Variants in CRLF3 observed in about 807,000 individuals in gnomAD.
CRLF3 encodes the protein cytokine receptor like factor 3, also known as cytokine receptor-like factor 3.
A neutral mutation model predicts 55.0 loss-of-function variants in CRLF3; 33 were observed. That is an observed-to-expected ratio of 0.60 (90% CI 0.46 to 0.80). CRLF3 has a LOEUF of 0.80. Ranked by LOEUF, CRLF3 falls within the 30% of genes least tolerant of loss-of-function variation. CRLF3 has a pLI of 0.00. For missense variants in CRLF3, 494 were observed against 538.4 expected (o/e 0.92, Z 0.82); for synonymous variants, 238 against 196.8 (o/e 1.21, Z -1.75).
intron 5 of CRLF3, chr17:30,792,868 A>AT (rs2142250981): frequency 2.7e-5 from 1 of 36,658 alleles, no homozygotes; most frequent in African/African-American, 5.9e-4. Flanking sequence ...TAAAAATCTA[A>AT]TTAATAGGCC....
At chr17:30,805,052 G>A (rs1904354109) in intron 1 of CRLF3, among the ~76,000 whole-genome samples, 1 of 152,080 alleles carries the variant, frequency 6.6e-6, no homozygotes, top group Non-Finnish European at 1.5e-5. Context: ...ACGTGGTAGT[G>A]CGGGCCTGTA....
At chr17:30,806,543 C>T (rs759906692) in intron 1 of CRLF3, among the ~76,000 whole-genome samples, 10 of 152,104 alleles carry the variant, frequency 6.6e-5, no homozygotes, top group Non-Finnish European at 1.5e-4. Flanking sequence ...GAAACATTGC[C>T]CTAAATCTAC....
intron 1 of CRLF3, among the ~76,000 whole-genome samples, chr17:30,820,590 G>C (rs1904960701): frequency 6.6e-6 from 1 of 152,134 alleles, no homozygotes; most frequent in East Asian, 1.9e-4. Flanking sequence ...TGAGGACTTC[G>C]AGGCCAGCCT....
intron 2 of CRLF3, among the ~76,000 whole-genome samples, chr17:30,798,536 C>T (rs905153086): frequency 6.6e-6 from 1 of 152,050 alleles, no homozygotes; most frequent in Non-Finnish European, 1.5e-5. Flanking sequence ...TTCTCCTTCA[C>T]CAAAAGAAAA....
At position 30,824,641 on chromosome 17, in the gene CRLF3, G is replaced by A. The variant is rs1339107947; in HGVS notation, c.11C>T (p.Ala4Val). The change falls in exon 1 of 8, where the codon GCG becomes GTG. Residue 4 changes from alanine to valine, a missense_variant. Physicochemically the swap from Ala to Val is moderately conservative, Grantham distance 64 (BLOSUM62 0). Coordinates refer to ENST00000324238, the MANE Select transcript of CRLF3 (RefSeq NM_015986.4). ...CAGCAGCTCAGGCTCCAGCTCCATCGCCCCCCTCATCTGGCCGCGCGGCCG... is the reference window on the plus strand; with the variant it reads ...CAGCAGCTCAGGCTCCAGCTCCATCACCCCCCTCATCTGGCCGCGCGGCCG... MRG[A>V]MELEPELLLQ... is the part of the protein sequence containing the mutation. 6.3e-7 allele frequency: 1 copy of A among 1,596,572 alleles called. No homozygotes were observed.
rs368649092 is a variant in CRLF3 at position 30,793,467 on chromosome 17, G to C, written c.809C>G (p.Ser270Cys). The C allele has an allele frequency of 4.1e-4, 669 of 1,613,806 alleles. No individual in the cohort carries two copies. Among genetic ancestry groups the C allele is most frequent in the Non-Finnish European group, 5.5e-4 (648 of 1,179,902 alleles). ...SPWSVPQIGH[S>C]TLVPHEWTAG... ...CAGCATACCATGAGGCACCAATGTG[G>C]AATGACCTATCTGGGGGACACTCCA... Residue 270 changes from serine (S) to cysteine (C), a missense_variant, in exon 5 of 8, where the codon TCC becomes TGC. By Grantham distance (112) the Ser-to-Cys change is moderately radical (BLOSUM62 -1). Coordinates refer to ENST00000324238, the MANE Select transcript of CRLF3 (RefSeq NM_015986.4).
In CRLF3 at chr17:30,784,031, T is replaced by C; in HGVS notation, c.*156A>G. ...TGATTTTGTCCACAACATTGAAGTC[T>C]CTTTTTGCTAAAATATTACAAAATG... On this transcript the variant is annotated 3_prime_UTR_variant, in exon 8 of 8. Coordinates refer to ENST00000324238, the MANE Select transcript of CRLF3 (RefSeq NM_015986.4). 2 of 647,990 alleles carry C rather than the reference T, an allele frequency of 3.1e-6. No homozygotes were observed. The highest frequency in any genetic ancestry group is 4.4e-5 in the South Asian group (2 of 45,776). The allele number at this position is 647,990 out of a possible 1,614,324, so 40.1% of individuals were successfully genotyped here.
At chr17:30,820,349 G>A (rs1904954005) in intron 1 of CRLF3, among the ~76,000 whole-genome samples, 1 of 152,108 alleles carries the variant, frequency 6.6e-6, no homozygotes, top group South Asian at 2.1e-4. Flanking sequence ...TTCTCAATAC[G>A]AGACAAATTT....
intron 1 of CRLF3, among the ~76,000 whole-genome samples, chr17:30,805,060 G>A (rs1461103670): frequency 6.6e-6 from 1 of 152,098 alleles, no homozygotes; most frequent in African/African-American, 2.4e-5. Flanking sequence ...GTGCGGGCCT[G>A]TAATCCCAGC....
chr17:30,791,752 G>C (rs879617284), intron 6 of CRLF3, among the ~76,000 whole-genome samples: 2 of 151,266 alleles, frequency 1.3e-5, no homozygotes, highest in Admixed American at 6.6e-5. Context: ...TCCTGACCTC[G>C]TGATCCGCCC....
chr17:30,784,373 C>G lies in CRLF3; in HGVS notation c.1143G>C (p.Thr381=), dbSNP rs748397239. ...LPAVTSGSTV[T]FDIEAVTLGT... is the part of the protein sequence containing the mutation. ...CTAGAGTCACGGCTTCAATGTCAAA[C>G]GTGACAGTGGACCCAGAAGTAACTG... is the stretch of plus-strand genomic sequence containing the variant. Residue 381 remains threonine (T), a synonymous_variant, in exon 8 of 8, where the codon ACG becomes ACC. Transcript: ENST00000324238. 6.2e-7 allele frequency: 1 copy of G among 1,613,812 alleles called. No homozygotes were observed. Among genetic ancestry groups the G allele is most frequent in the Admixed American group, 1.7e-5 (1 of 60,008 alleles).
chr17:30,814,894 G>A (rs888164003), intron 1 of CRLF3, among the ~76,000 whole-genome samples: 3 of 150,970 alleles, frequency 2.0e-5, no homozygotes, highest in Non-Finnish European at 4.4e-5. Context: ...CCAGCTACTC[G>A]GAAGGCTGAA....
Position 30,800,842 on chromosome 17 carries a change from T to C in CRLF3, c.337+3059A>G, listed in dbSNP as rs560600919. Among the ~76,000 whole-genome samples the C allele has an allele frequency of 1.3e-4, 20 of 150,794 alleles. No homozygotes were observed. The East Asian group carries it at 3.9e-3, about 30-fold the overall frequency. On this transcript the variant is annotated intron_variant, in intron 2 of 7. Coordinates refer to ENST00000324238, the MANE Select transcript of CRLF3 (RefSeq NM_015986.4). ...CAGGCTGGAGTGCCATAGCACGATCTAGGCTCACTGCAAGCTCCGCCTCCT... is the reference window on the plus strand; with the variant it reads ...CAGGCTGGAGTGCCATAGCACGATCCAGGCTCACTGCAAGCTCCGCCTCCT...
intron 1 of CRLF3, among the ~76,000 whole-genome samples, chr17:30,815,796 G>A (rs77338984): frequency 0.13 from 20,212 of 149,876 alleles, 1,453 homozygotes; most frequent in South Asian, 0.24. Flanking sequence ...CGCCCGCCTT[G>A]GCCTCCCTAA....
intron 1 of CRLF3, among the ~76,000 whole-genome samples, chr17:30,806,624 G>A (rs776341858): frequency 1.3e-5 from 2 of 152,084 alleles, no homozygotes; most frequent in African/African-American, 4.8e-5. Flanking sequence ...ATATTATGAA[G>A]ATAAATAGGT....
At chr17:30,797,775 G>GTT (rs747340532) in intron 2 of CRLF3, among the ~76,000 whole-genome samples, 15,558 of 127,952 alleles carry the variant, frequency 0.12, 1,232 homozygotes, top group Non-Finnish European at 0.18. Flanking sequence ...GGGATAGGGT[G>GTT]TTTTTTTTTT....
rs114482548 is a variant in CRLF3 at position 30,808,120 on chromosome 17, T to C, written c.130-4012A>G. Reference sequence around the variant, plus strand: ...TGAAAACGCAGTTAATCATGTGTGTTTCAAAGAACTTTCTAAAAGAACCAA... The same window carrying C: ...TGAAAACGCAGTTAATCATGTGTGTCTCAAAGAACTTTCTAAAAGAACCAA... On this transcript the variant is annotated intron_variant, in intron 1 of 7. Transcript: ENST00000324238. Among the ~76,000 whole-genome samples the C allele has an allele frequency of 3.6e-3, 543 of 152,172 alleles. 6 individuals are homozygous for C. The highest frequency in any genetic ancestry group is 0.011 in the African/African-American group (473 of 41,490).
chr17:30,822,062 CAAAA>C (rs576859607), intron 1 of CRLF3, among the ~76,000 whole-genome samples: 3 of 56,086 alleles, frequency 5.3e-5, no homozygotes. Flanking sequence ...GCACCCCCGC[CAAAA>C]AAAAAAAAAA....
In CRLF3 at chr17:30,793,353, C is replaced by T. The variant is rs910489234; in HGVS notation, c.826+97G>A. On this transcript the variant is annotated intron_variant, in intron 5 of 7. Coordinates refer to ENST00000324238, the MANE Select transcript of CRLF3 (RefSeq NM_015986.4). ...TGTTCTTATCAATTCAGGATCTATG[C>T]TTAGAATAGCTGGTTGTCAGTGTGC... 1.3e-5 allele frequency: 11 copies of T among 851,678 alleles called. No homozygotes were observed. The East Asian group carries it at 2.8e-4, about 21-fold the overall frequency. 52.8% of individuals were successfully genotyped at this position (851,678 alleles called of 1,614,324 possible).
Sources: allele counts gnomAD v4.1 joint callset (sites outside exome capture counted in the v4.1 genomes callset), GRCh38; gene constraint gnomAD v4.1.1; transcripts MANE v1.5; gene names NCBI Gene and HGNC (gene_info 2026-07-23, HGNC 2026-07-21).